Variants in PDE4D observed in about 807,000 individuals in gnomAD.
PDE4D encodes the protein phosphodiesterase 4D.
In PDE4D, 24 loss-of-function variants were observed where a neutral mutation model predicts 87.4. The ratio of observed to expected loss-of-function variants is 0.27; its 90% CI spans 0.20 to 0.39. The LOEUF (loss-of-function observed/expected upper bound fraction) is 0.39. PDE4D is among the 10% of genes least tolerant of loss of function. The probability of loss-of-function intolerance (pLI) is 1.00; values close to 1 mark genes in which losing one functional copy is unlikely to be tolerated. For missense variants in PDE4D, 714 were observed against 1,041.0 expected (o/e 0.69, Z 4.32); for synonymous variants, 384 against 383.2 (o/e 1.00, Z -0.02).
intron 1 of PDE4D, among the ~76,000 whole-genome samples, chr5:59,829,490 T>C (rs2152695683): frequency 6.6e-6 from 1 of 152,092 alleles, no homozygotes; most frequent in Non-Finnish European, 1.5e-5. Context: ...ACACAGCTGT[T>C]TTTCCCACAT....
chr5:59,367,606 T>C (rs1200292677), intron 1 of PDE4D, among the ~76,000 whole-genome samples: 1 of 152,196 alleles, frequency 6.6e-6, no homozygotes, highest in African/African-American at 2.4e-5. Flanking sequence ...ATTTTACACA[T>C]TGGTGAGATG....
At chr5:59,816,323 A>AAGCT in intron 1 of PDE4D, among the ~76,000 whole-genome samples, 1 of 152,162 alleles carries the variant, frequency 6.6e-6, no homozygotes, top group South Asian at 2.1e-4. Context: ...TAAACCTGAT[A>AAGCT]AGCTCCCTCG....
intron 1 of PDE4D, among the ~76,000 whole-genome samples, chr5:59,277,608 T>C (rs1765065705): frequency 6.6e-6 from 1 of 152,178 alleles, no homozygotes; most frequent in Non-Finnish European, 1.5e-5. Context: ...GTTCCCTCCA[T>C]GTAAGGTCTA....
intron 1 of PDE4D, among the ~76,000 whole-genome samples, chr5:59,280,279 GTGAGACCTC>G (rs1178587030): frequency 2.0e-5 from 3 of 152,010 alleles, no homozygotes; most frequent in Non-Finnish European, 4.4e-5. Context: ...GTAACAATAC[GTGAGACCTC>G]TGGTAACGTA....
At chr5:59,573,985 G>A (rs1822326204) in intron 1 of PDE4D, among the ~76,000 whole-genome samples, 1 of 96,246 alleles carries the variant, frequency 1.0e-5, no homozygotes, top group Non-Finnish European at 2.0e-5. Context: ...ACAACAAAGG[G>A]AGACTCTGTC....
At chr5:60,381,588 G>C (rs993298627) in intron 1 of PDE4D, among the ~76,000 whole-genome samples, 1 of 152,158 alleles carries the variant, frequency 6.6e-6, no homozygotes, top group Admixed American at 6.5e-5. Context: ...CCAAGGCCAG[G>C]TGATTCAGAA....
intron 2 of PDE4D, among the ~76,000 whole-genome samples, chr5:60,048,547 T>C (rs1254038279): frequency 3.9e-5 from 6 of 152,190 alleles, no homozygotes; most frequent in Non-Finnish European, 7.3e-5. Flanking sequence ...AGGAGCTCTT[T>C]TAGGGCATGC....
At chr5:59,502,993 T>C (rs2153665125) in intron 1 of PDE4D, among the ~76,000 whole-genome samples, 1 of 151,992 alleles carries the variant, frequency 6.6e-6, no homozygotes, top group South Asian at 2.1e-4. Context: ...ATTTAAATGC[T>C]AAGTTCTGTA....
Position 59,973,271 on chromosome 5 carries a change from A to T in PDE4D, c.272+15217T>A, listed in dbSNP as rs138751405. Among the ~76,000 whole-genome samples, 582 of 152,300 alleles carry T rather than the reference A, an allele frequency of 3.8e-3. 4 individuals carry two copies. The highest frequency in any genetic ancestry group is 0.013 in the African/African-American group (560 of 41,578). On this transcript the variant is annotated intron_variant, in intron 3 of 16. Transcript: ENST00000502484. ...TAATAGAAATCAATGTGAGAAAAAT[A>T]AAAAACCACAATTTTGTAAATCAAA...
intron 1 of PDE4D, among the ~76,000 whole-genome samples, chr5:59,687,328 G>T (rs1395059145): frequency 1.3e-5 from 2 of 152,130 alleles, no homozygotes; most frequent in Admixed American, 6.6e-5. Flanking sequence ...CAGCCAGAGA[G>T]AAAGGTCGGG....
chr5:59,395,271 G>A (rs1789155440), intron 1 of PDE4D, among the ~76,000 whole-genome samples: 1 of 152,186 alleles, frequency 6.6e-6, no homozygotes. Flanking sequence ...CTCCAACTCT[G>A]GGGGCAGGGC....
chr5:58,972,285 G>A lies in PDE4D; in HGVS notation c.*2379C>T, dbSNP rs547850308. On this transcript the variant is annotated 3_prime_UTR_variant, in exon 15 of 15. Coordinates refer to ENST00000340635, the MANE Select transcript of PDE4D (RefSeq NM_001104631.2). ...CCAAATATTCTTGTGAAACTACTTG[G>A]TCAAACATACGTCTTTATTTTTTTC... 6.6e-6 allele frequency: 1 copy of A among 152,648 alleles called. No homozygotes were observed. Among genetic ancestry groups the A allele is most frequent in the Non-Finnish European group, 1.5e-5 (1 of 68,008 alleles). The allele number at this position is 152,648 out of a possible 1,614,324, so 9.5% of individuals were successfully genotyped here.
At chr5:59,201,442 A>G (rs879847484) in intron 2 of PDE4D, among the ~76,000 whole-genome samples, 11 of 152,162 alleles carry the variant, frequency 7.2e-5, no homozygotes, top group Admixed American at 6.5e-4. Flanking sequence ...TTTTTCCAAA[A>G]ATAATGTTCA....
chr5:59,507,456 G>C (rs913075871), intron 1 of PDE4D, among the ~76,000 whole-genome samples: 1 of 152,024 alleles, frequency 6.6e-6, no homozygotes, highest in East Asian at 1.9e-4. Flanking sequence ...AGGCCCAGGA[G>C]TTTGAGTCTA....
chr5:59,912,479 C>A (rs1016117283), intron 3 of PDE4D, among the ~76,000 whole-genome samples: 5 of 152,212 alleles, frequency 3.3e-5, no homozygotes, highest in African/African-American at 1.2e-4. Flanking sequence ...ATTGTATTGA[C>A]AGGTTTATCA....
intron 1 of PDE4D, among the ~76,000 whole-genome samples, chr5:59,553,116 T>C (rs1175654851): frequency 6.6e-6 from 1 of 152,184 alleles, no homozygotes; most frequent in Non-Finnish European, 1.5e-5. Context: ...CTTCACTTTG[T>C]ATCAAATGTG....
At chr5:60,281,030 T>C (rs1277753080) in intron 1 of PDE4D, among the ~76,000 whole-genome samples, 1 of 152,160 alleles carries the variant, frequency 6.6e-6, no homozygotes, top group Admixed American at 6.5e-5. Context: ...CTGCTTAAGT[T>C]CATAGGCAGC....
At chr5:59,413,550 C>A (rs1474330745) in intron 1 of PDE4D, among the ~76,000 whole-genome samples, 2 of 150,480 alleles carry the variant, frequency 1.3e-5, no homozygotes, top group South Asian at 4.2e-4. Context: ...GTCCTTCTTA[C>A]AACCACCTAA....
intron 2 of PDE4D, among the ~76,000 whole-genome samples, chr5:60,027,122 A>G (rs548947730): frequency 4.0e-5 from 6 of 151,804 alleles, no homozygotes; most frequent in Non-Finnish European, 7.4e-5. Flanking sequence ...GGTTTGTTAC[A>G]TGGATATGTT....
Sources: gnomAD v4.1 joint callset for allele counts (sites outside exome capture counted in the v4.1 genomes callset) on GRCh38, gnomAD v4.1.1 for gene constraint, MANE v1.5 for transcripts, NCBI Gene and HGNC (gene_info 2026-07-23, HGNC 2026-07-21) for gene names.